CTTNBP2: variants seen among roughly 807,000 people sequenced by gnomAD.
CTTNBP2 encodes the protein cortactin-binding protein 2.
CTTNBP2 carries 108 observed loss-of-function variants against 156.9 expected under a neutral mutation model. The ratio of observed to expected loss-of-function variants is 0.69; its 90% CI spans 0.59 to 0.81. The LOEUF is 0.81. CTTNBP2 is among the 30% of genes least tolerant of loss of function. The pLI, the probability that CTTNBP2 is intolerant of heterozygous loss-of-function variation, is 0.00. For missense variants in CTTNBP2, 1,924 were observed against 2,035.4 expected (o/e 0.95, Z 1.05); for synonymous variants, 767 against 751.8 (o/e 1.02, Z -0.33).
chr7:117,808,974 G>A (rs1263149187), intron 3 of CTTNBP2, among the ~76,000 whole-genome samples: 1 of 152,036 alleles, frequency 6.6e-6, no homozygotes, highest in East Asian at 1.9e-4. Flanking sequence ...ACAAAATGTA[G>A]CACTCCCTGT....
Position 117,873,400 on chromosome 7 carries a change from C to T in CTTNBP2, c.16G>A (p.Ala6Thr), listed in dbSNP as rs779822564. The T allele has an allele frequency of 2.7e-6, 4 of 1,491,980 alleles. No individual in the cohort carries two copies. Among genetic ancestry groups the T allele is most frequent in the Middle Eastern group, 1.8e-4 (1 of 5,422 alleles). 92.4% of individuals were successfully genotyped at this position (1,491,980 alleles called of 1,614,324 possible). ...CGGGACAAGTCGGGCTCGCAGCTCG[C>T]GCCGTCCGTCGCCATCTTCCTGCTC... MATDGASCEPDLSRAP... is the reference protein window; with the variant it reads MATDGTSCEPDLSRAP... The change falls in exon 1 of 23, where the codon GCG becomes ACG. Residue 6 changes from alanine (A) to threonine (T), a missense_variant. Ala to Thr is a moderately conservative substitution (Grantham distance 58). Transcript: ENST00000160373.
At chr7:117,863,400 G>A (rs1466350627) in intron 1 of CTTNBP2, among the ~76,000 whole-genome samples, 1 of 152,232 alleles carries the variant, frequency 6.6e-6, no homozygotes, top group African/African-American at 2.4e-5. Context: ...CCAAGTCTCA[G>A]TTTCTGCTCC....
Position 117,845,854 on chromosome 7 carries a change from T to G in CTTNBP2, c.189+15355A>C, listed in dbSNP as rs36102464. 9.5e-4 allele frequency among the ~76,000 whole-genome samples: 144 copies of G among 152,224 alleles called. 1 individual carries two copies. The highest frequency in any genetic ancestry group is 3.2e-3 in the African/African-American group (133 of 41,528). ...ACCTGTGTGGTTTCTGTTAATTTTT[T>G]TTTCTTTTTTTTTTGAGATGGAGTC... On this transcript the variant is annotated intron_variant, in intron 2 of 22. Coordinates refer to ENST00000160373, the MANE Select transcript of CTTNBP2 (RefSeq NM_033427.3).
intron 12 of CTTNBP2, among the ~76,000 whole-genome samples, chr7:117,754,931 G>T (rs149634341): frequency 6.6e-6 from 1 of 152,270 alleles, no homozygotes; most frequent in East Asian, 1.9e-4. Context: ...TCATCTTAAT[G>T]GATGAAGGAA....
At chr7:117,767,522 T>C (rs1797548973) in intron 8 of CTTNBP2, among the ~76,000 whole-genome samples, 1 of 152,210 alleles carries the variant, frequency 6.6e-6, no homozygotes, top group Admixed American at 6.5e-5. Context: ...TTATGGTAAT[T>C]TGGCAATAGA....
intron 17 of CTTNBP2, 99 bp from the exon 18 acceptor site, chr7:117,725,356 G>A (rs1213880982): frequency 6.5e-6 from 7 of 1,084,338 alleles, no homozygotes; most frequent in South Asian, 4.1e-5. Context: ...GGGAAAAAAC[G>A]TTAAGTGTTT....
chr7:117,794,955 C>T (rs544365323), intron 3 of CTTNBP2, among the ~76,000 whole-genome samples: 315 of 132,626 alleles, frequency 2.4e-3, no homozygotes, highest in Middle Eastern at 0.015. Context: ...ACTGCAGTGG[C>T]GCAATCTCGG....
chr7:117,861,382 G>T (rs983495175), intron 1 of CTTNBP2, 66 bp from the exon 2 acceptor site: 1 of 1,088,586 alleles, frequency 9.2e-7, no homozygotes, highest in South Asian at 1.4e-5. Flanking sequence ...ACATCCTAAG[G>T]GTATGCAATG....
At chr7:117,756,239 C>T (rs1796875791) in intron 12 of CTTNBP2, among the ~76,000 whole-genome samples, 2 of 152,166 alleles carry the variant, frequency 1.3e-5, no homozygotes, top group African/African-American at 2.4e-5. Context: ...TGTGGCCATT[C>T]CCTTTCATAT....
chr7:117,712,006 A>G (rs975845169), intron 22 of CTTNBP2, among the ~76,000 whole-genome samples: 3 of 152,222 alleles, frequency 2.0e-5, no homozygotes, highest in African/African-American at 7.2e-5. Context: ...TCCTAAATAC[A>G]GGAGTCAGTG....
chr7:117,873,341 C>CTCCGCCGCGGCCCCCGCCGCG lies in CTTNBP2; in HGVS notation c.54_74dup (p.Asp18_Ala24dup). On this transcript the variant is annotated inframe_insertion, in exon 1 of 23. Transcript: ENST00000160373. ...GCCCCGGGAACTCGGTTACCGCCGC[C>CTCCGCCGCGGCCCCCGCCGCG]TCCGCCGCGGCCCCCGCCGCGTCCT... 2 of 1,448,282 alleles carry CTCCGCCGCGGCCCCCGCCGCG rather than the reference C, an allele frequency of 1.4e-6. No individual in the cohort carries two copies. Among genetic ancestry groups the CTCCGCCGCGGCCCCCGCCGCG allele is most frequent in the East Asian group, 6.1e-5 (2 of 32,772 alleles). The allele number at this position is 1,448,282 out of a possible 1,614,324, so 89.7% of individuals were successfully genotyped here.
At chr7:117,804,325 A>G (rs1013822150) in intron 3 of CTTNBP2, among the ~76,000 whole-genome samples, 11 of 152,180 alleles carry the variant, frequency 7.2e-5, no homozygotes, top group Non-Finnish European at 1.3e-4. Context: ...ACTAGTGTAT[A>G]TAACAAACAT....
chr7:117,784,759 T>G (rs747726595), intron 4 of CTTNBP2, among the ~76,000 whole-genome samples: 1 of 152,338 alleles, frequency 6.6e-6, no homozygotes, highest in East Asian at 1.9e-4. Flanking sequence ...GGCTGTCTCA[T>G]TTTAAAAGTT....
chr7:117,746,504 T>C (rs1396031224), intron 12 of CTTNBP2, among the ~76,000 whole-genome samples: 1 of 152,202 alleles, frequency 6.6e-6, no homozygotes, highest in African/African-American at 2.4e-5. Flanking sequence ...AGTAATGCAT[T>C]TCATTATGGA....
Position 117,873,420 on chromosome 7 carries a change from C to T in CTTNBP2, c.-5G>A. 3 of 1,498,284 alleles carry T rather than the reference C, an allele frequency of 2.0e-6. No individual in the cohort carries two copies. The highest frequency in any genetic ancestry group is 2.7e-6 in the Non-Finnish European group (3 of 1,131,198). The allele number at this position is 1,498,284 out of a possible 1,614,324, so 92.8% of individuals were successfully genotyped here. The stretch of plus-strand genomic sequence containing the variant: ...GCTCGCGCCGTCCGTCGCCATCTTC[C>T]TGCTCTAGCGGATCCGAATGCGAGC... On this transcript the variant is annotated 5_prime_UTR_variant, in exon 1 of 23. Transcript: ENST00000160373.
At position 117,791,407 on chromosome 7, in the gene CTTNBP2, C is replaced by A; in HGVS notation, c.1789G>T (p.Val597Leu). ...TTAGGAAGGTTCTCCTCATTGATCACCCTGTTCCCTTGTGGCAAACTGGAA... is the reference window on the plus strand; with the variant it reads ...TTAGGAAGGTTCTCCTCATTGATCAACCTGTTCCCTTGTGGCAAACTGGAA... ...TPSSLPQGNR[V>L]INEENLPKSS... The change falls in exon 4 of 23, where the codon GTG (valine) becomes TTG (leucine). Residue 597 changes from valine to leucine, a missense_variant. Val to Leu is a conservative substitution (Grantham distance 32, BLOSUM62 1). Coordinates refer to ENST00000160373, the MANE Select transcript of CTTNBP2 (RefSeq NM_033427.3). 6.2e-7 allele frequency: 1 copy of A among 1,614,178 alleles called. No homozygotes were observed.
At chr7:117,746,438 G>T (rs1377926158) in intron 12 of CTTNBP2, among the ~76,000 whole-genome samples, 2 of 152,148 alleles carry the variant, frequency 1.3e-5, no homozygotes, top group Non-Finnish European at 2.9e-5. Flanking sequence ...ATCCTTTGCA[G>T]ATGCTCTTTA....
chr7:117,751,426 CAT>C (rs1375778600), intron 12 of CTTNBP2, among the ~76,000 whole-genome samples: 7 of 152,176 alleles, frequency 4.6e-5, no homozygotes, highest in Middle Eastern at 3.2e-3. Flanking sequence ...GTTAAAATCA[CAT>C]GTTTTATAGC....
At chr7:117,744,055 G>A (rs1372214758) in intron 14 of CTTNBP2, among the ~76,000 whole-genome samples, 1 of 151,980 alleles carries the variant, frequency 6.6e-6, no homozygotes, top group Admixed American at 6.6e-5. Context: ...GTAGGTGTAT[G>A]TATTTGTGTG....
Sources: gnomAD v4.1 joint callset for allele counts (sites outside exome capture counted in the v4.1 genomes callset) on GRCh38, gnomAD v4.1.1 for gene constraint, MANE v1.5 for transcripts, NCBI Gene and HGNC (gene_info 2026-07-23, HGNC 2026-07-21) for gene names.